The following ZFHX3 variants were observed in gnomAD, a reference collection of about 807,000 sequenced individuals.
ZFHX3 encodes the protein zinc finger homeobox protein 3.
Under a neutral mutation model 279.1 loss-of-function variants are expected in ZFHX3, and 42 were observed. The ratio of observed to expected loss-of-function variants is 0.15; its 90% CI spans 0.12 to 0.19. The LOEUF (loss-of-function observed/expected upper bound fraction) is 0.19, where lower values mean the gene tolerates loss of function less well. Ranked by LOEUF, ZFHX3 falls within the 10% of genes least tolerant of loss-of-function variation. The pLI, the probability that ZFHX3 is intolerant of heterozygous loss-of-function variation, is 1.00. For missense variants in ZFHX3, 4,981 were observed against 4,754.0 expected (o/e 1.05, Z -1.40); for synonymous variants, 2,293 against 1,957.8 (o/e 1.17, Z -4.52).
chr16:72,889,143 G>T (rs975318394), intron 4 of ZFHX3, among the ~76,000 whole-genome samples: 1 of 152,060 alleles, frequency 6.6e-6, no homozygotes, highest in Non-Finnish European at 1.5e-5. Context: ...CCACTAGCAG[G>T]TCTCGACGCA....
chr16:73,332,642 C>G (rs1003420949), intron 3 of ZFHX3, among the ~76,000 whole-genome samples: 1 of 152,186 alleles, frequency 6.6e-6, no homozygotes, highest in Non-Finnish European at 1.5e-5. Context: ...TTAACTGTAT[C>G]GGATATGGGA....
chr16:73,735,923 C>T (rs1479889417), intron 1 of ZFHX3, among the ~76,000 whole-genome samples: 2 of 23,962 alleles, frequency 8.3e-5, no homozygotes, highest in Non-Finnish European at 1.1e-4. Context: ...TTTTAATGCT[C>T]TGAAGGTTGG....
At chr16:73,051,176 A>G (rs1346750762), upstream of ZFHX3, among the ~76,000 whole-genome samples, 8 of 152,206 alleles carry the variant, frequency 5.3e-5, no homozygotes, top group South Asian at 2.1e-4. Flanking sequence ...GGGTTCTTCT[A>G]TTTTTATTAA....
At chr16:72,987,005 A>T (rs946439141) in intron 1 of ZFHX3, among the ~76,000 whole-genome samples, 1 of 152,178 alleles carries the variant, frequency 6.6e-6, no homozygotes. Context: ...CACAAAAATT[A>T]GCAAGGTGTG....
chr16:73,338,118 G>A (rs938819143), intron 3 of ZFHX3, among the ~76,000 whole-genome samples: 1 of 152,124 alleles, frequency 6.6e-6, no homozygotes, highest in Non-Finnish European at 1.5e-5. Context: ...ATCTGCAGAT[G>A]AGCATCAGAA....
chr16:73,682,716 G>A (rs2053023681), intron 1 of ZFHX3, among the ~76,000 whole-genome samples: 1 of 151,612 alleles, frequency 6.6e-6, no homozygotes. Context: ...GAACCCAGGA[G>A]GTGGAGGTTG....
chr16:72,820,563 G>A (rs1055961692), intron 5 of ZFHX3, among the ~76,000 whole-genome samples: 2 of 152,130 alleles, frequency 1.3e-5, no homozygotes, highest in Non-Finnish European at 2.9e-5. Context: ...AAATATTCCT[G>A]ATTTTGATTT....
chr16:73,311,247 A>G, intron 4 of ZFHX3, among the ~76,000 whole-genome samples: 1 of 151,968 alleles, frequency 6.6e-6, no homozygotes, highest in East Asian at 1.9e-4. Context: ...CCACAAAAAA[A>G]AACAAAAAAC....
chr16:73,871,304 T>C (rs1962156868), intron 1 of ZFHX3, among the ~76,000 whole-genome samples: 1 of 152,138 alleles, frequency 6.6e-6, no homozygotes, highest in Non-Finnish European at 1.5e-5. Context: ...TGAAACGACT[T>C]GCGTCAGCCA....
chr16:73,013,576 C>T (rs773516814), intron 1 of ZFHX3, among the ~76,000 whole-genome samples: 4 of 152,198 alleles, frequency 2.6e-5, no homozygotes, highest in Admixed American at 6.5e-5. Flanking sequence ...GCCTGAACCA[C>T]GGTGCCTGGC....
chr16:73,433,622 C>T (rs557838718), intron 3 of ZFHX3, among the ~76,000 whole-genome samples: 10 of 152,310 alleles, frequency 6.6e-5, no homozygotes, highest in Admixed American at 6.5e-4. Flanking sequence ...AGTTTGCATA[C>T]ACACAGGGGG....
intron 5 of ZFHX3, among the ~76,000 whole-genome samples, chr16:72,813,901 T>G (rs908345674): frequency 6.6e-6 from 1 of 152,210 alleles, no homozygotes. Context: ...CCTTGCAGTG[T>G]GATGGGCCGC....
Position 73,776,747 on chromosome 16 carries a change from G to A in ZFHX3, c.-1607-96507C>T, listed in dbSNP as rs542206834. On this transcript the variant is annotated intron_variant, in intron 1 of 17. Transcript: ENST00000641206. The stretch of plus-strand genomic sequence containing the variant: ...TTATAAAAGCTATCAGTAATAAACT[G>A]TAAATCTCAGCCATGATTGCAAATA... 6.0e-4 allele frequency among the ~76,000 whole-genome samples: 91 copies of A among 152,236 alleles called. 1 individual carries two copies. The South Asian group carries it at 0.017, about 29-fold the overall frequency.
At chr16:73,321,356 C>A (rs115655659) in intron 3 of ZFHX3, among the ~76,000 whole-genome samples, 2,097 of 152,256 alleles carry the variant, frequency 0.014, 41 homozygotes, top group African/African-American at 0.048. Context: ...CCCCAGTTTT[C>A]TGACCTGAAA....
chr16:73,244,725 C>A (rs1179715236), intron 5 of ZFHX3, among the ~76,000 whole-genome samples: 1 of 152,136 alleles, frequency 6.6e-6, no homozygotes, highest in East Asian at 1.9e-4. Context: ...CACAGTGATG[C>A]CACCAGCTTG....
intron 3 of ZFHX3, among the ~76,000 whole-genome samples, chr16:73,364,178 A>G (rs78598323): frequency 6.7e-6 from 1 of 148,578 alleles, no homozygotes; most frequent in African/African-American, 2.4e-5. Context: ...CCTGTTTCAA[A>G]AAAAAAAAAA....
At chr16:73,888,249 G>A (rs940696594) in intron 1 of ZFHX3, among the ~76,000 whole-genome samples, 1 of 152,202 alleles carries the variant, frequency 6.6e-6, no homozygotes, top group Non-Finnish European at 1.5e-5. Flanking sequence ...TGTCATGCTA[G>A]CAGCGGTAAC....
At chr16:72,888,156 G>A (rs1319266139) in intron 4 of ZFHX3, among the ~76,000 whole-genome samples, 1 of 152,142 alleles carries the variant, frequency 6.6e-6, no homozygotes, top group Non-Finnish European at 1.5e-5. Context: ...GTGGGAGAGG[G>A]CCATGCTCTT....
At chr16:72,875,279 C>A (rs2038280344) in intron 4 of ZFHX3, among the ~76,000 whole-genome samples, 1 of 152,220 alleles carries the variant, frequency 6.6e-6, no homozygotes, top group Non-Finnish European at 1.5e-5. Context: ...CGGCAGATAC[C>A]TGCAGACTGG....
Sources: gnomAD v4.1 joint callset for allele counts (sites outside exome capture counted in the v4.1 genomes callset) on GRCh38, gnomAD v4.1.1 for gene constraint, MANE v1.5 for transcripts, NCBI Gene and HGNC (gene_info 2026-07-23, HGNC 2026-07-21) for gene names.